Variants in PCDHGB2 observed in about 807,000 individuals in gnomAD.
PCDHGB2 encodes protocadherin gamma subfamily B, 2, also known as protocadherin gamma-B2.
Under a neutral mutation model 59.3 loss-of-function variants are expected in PCDHGB2, and 55 were observed. That is an observed-to-expected ratio of 0.93 (90% confidence interval 0.75 to 1.16). PCDHGB2 has a LOEUF of 1.16. Ranked by LOEUF, PCDHGB2 falls within the 50% of genes most tolerant of loss-of-function variation. The pLI, the probability that PCDHGB2 is intolerant of heterozygous loss-of-function variation, is 0.00. For synonymous variants in PCDHGB2, 516 were observed against 512.0 expected (o/e 1.01, Z -0.11); for missense variants, 1,228 against 1,198.5 (o/e 1.02, Z -0.36).
intron 1 of PCDHGB2, chr5:141,384,572 A>G: frequency 6.2e-7 from 1 of 1,613,908 alleles, no homozygotes; most frequent in Non-Finnish European, 8.5e-7. Context: ...CAGAATGACA[A>G]CCCGCCCGAG....
Position 141,459,075 on chromosome 5 carries a change from G to C in PCDHGB2, c.2422-35732G>C, listed in dbSNP as rs562572838. ...GTATAATTTATATAACATAAAATTT[G>C]CCTTTTAAAATTATACAGTGCAATG... On this transcript the variant is annotated intron_variant, in intron 1 of 3. Transcript: ENST00000522605. 4.6e-5 allele frequency among the ~76,000 whole-genome samples: 7 copies of C among 152,252 alleles called. No individual in the cohort carries two copies. The East Asian group carries it at 1.4e-3, about 29-fold the overall frequency.
At chr5:141,474,606 T>C (rs1156236978) in intron 1 of PCDHGB2, among the ~76,000 whole-genome samples, 1 of 152,242 alleles carries the variant, frequency 6.6e-6, no homozygotes, top group Non-Finnish European at 1.5e-5. Context: ...ATAGGTCACA[T>C]ATGGCTTTTC....
At chr5:141,414,897 C>A (rs2095799678) in intron 1 of PCDHGB2, 7 of 1,614,230 alleles carry the variant, frequency 4.3e-6, no homozygotes, top group Non-Finnish European at 5.9e-6. Flanking sequence ...TCCCCACAGA[C>A]GGTTCCACAG....
At chr5:141,470,383 G>A (rs569789033) in intron 1 of PCDHGB2, among the ~76,000 whole-genome samples, 7 of 152,246 alleles carry the variant, frequency 4.6e-5, no homozygotes, top group South Asian at 2.1e-4. Context: ...AAGACTACTC[G>A]ATGATATTTA....
At chr5:141,444,380 A>G (rs1475986922) in intron 1 of PCDHGB2, among the ~76,000 whole-genome samples, 1 of 151,876 alleles carries the variant, frequency 6.6e-6, no homozygotes, top group Non-Finnish European at 1.5e-5. Context: ...CATGTTGGTC[A>G]GGCTAGTCTT....
At chr5:141,459,710 C>T (rs2098973565) in intron 1 of PCDHGB2, among the ~76,000 whole-genome samples, 1 of 152,204 alleles carries the variant, frequency 6.6e-6, no homozygotes, top group Non-Finnish European at 1.5e-5. Flanking sequence ...CATTTTCTCA[C>T]CAATGCTTCC....
At chr5:141,380,163 G>A (rs765381808) in intron 1 of PCDHGB2, among the ~76,000 whole-genome samples, 1 of 152,092 alleles carries the variant, frequency 6.6e-6, no homozygotes, top group African/African-American at 2.4e-5. Context: ...GCCTCTCAAA[G>A]GGCTGGGATT....
chr5:141,499,721 G>GTC (rs1434016871), intron 2 of PCDHGB2, among the ~76,000 whole-genome samples: 69 of 135,416 alleles, frequency 5.1e-4, no homozygotes, highest in African/African-American at 1.9e-3. Flanking sequence ...TGGAGACAGA[G>GTC]TCTCACTCTC....
intron 1 of PCDHGB2, among the ~76,000 whole-genome samples, chr5:141,369,219 G>C (rs906791517): frequency 6.6e-6 from 1 of 152,126 alleles, no homozygotes; most frequent in African/African-American, 2.4e-5. Context: ...CCAAGGAAAA[G>C]TGGACAGGAA....
chr5:141,510,083 G>A (rs2099879432), intron 3 of PCDHGB2, among the ~76,000 whole-genome samples: 1 of 152,104 alleles, frequency 6.6e-6, no homozygotes, highest in Non-Finnish European at 1.5e-5. Flanking sequence ...CAGAGTGCCT[G>A]GCACACAGTA....
intron 1 of PCDHGB2, among the ~76,000 whole-genome samples, chr5:141,439,422 A>C (rs1476209707): frequency 6.6e-6 from 1 of 152,188 alleles, no homozygotes; most frequent in Non-Finnish European, 1.5e-5. Context: ...TGAGGTTATA[A>C]ATTCCCAGGA....
intron 1 of PCDHGB2, chr5:141,365,409 G>A (rs1588612926): frequency 1.2e-6 from 2 of 1,613,994 alleles, no homozygotes; most frequent in Non-Finnish European, 1.7e-6. Flanking sequence ...TCTGAAGACT[G>A]TCTTCCCGGA....
At chr5:141,414,422 G>T (rs369608304) in intron 1 of PCDHGB2, 1 of 1,613,866 alleles carries the variant, frequency 6.2e-7, no homozygotes, top group Non-Finnish European at 8.5e-7. Context: ...GCCCTTGACA[G>T]GGAACAGGTA....
At chr5:141,394,100 ACCACCTCTGT>A in intron 1 of PCDHGB2, 1 of 1,613,942 alleles carries the variant, frequency 6.2e-7, no homozygotes, top group Admixed American at 1.7e-5. Context: ...ATCTAGGAAC[ACCACCTCTGT>A]CCACTGAAAC....
chr5:141,413,230 C>T (rs2095618383), intron 1 of PCDHGB2: 4 of 1,613,826 alleles, frequency 2.5e-6, no homozygotes, highest in Non-Finnish European at 3.4e-6. Flanking sequence ...CGGGCTGGTC[C>T]TGCTCTGCCT....
intron 1 of PCDHGB2, chr5:141,392,605 CA>C (rs2092562177): frequency 1.9e-6 from 1 of 514,610 alleles, no homozygotes; most frequent in Admixed American, 3.7e-5. Context: ...TACTGGAAGA[CA>C]AATGCAACCG....
intron 1 of PCDHGB2, chr5:141,403,394 C>A: frequency 6.2e-7 from 1 of 1,614,054 alleles, no homozygotes; most frequent in South Asian, 1.1e-5. Flanking sequence ...AATCGCGGTT[C>A]CTGGAGCACG....
chr5:141,432,949 C>A lies in PCDHGB2; in HGVS notation c.2422-61858C>A, dbSNP rs764998032. ...CACGCCTGCTGCAGGCTTCAGGAGG[C>A]GGCTTGACAGGAGCGCCGGCGTCGC... On this transcript the variant is annotated intron_variant, in intron 1 of 3. Transcript: ENST00000522605. This position sits in a 1 kb window ranked among gnomAD's most constrained non-coding sequence, Gnocchi z 6.0. The A allele has an allele frequency of 1.9e-6, 3 of 1,614,184 alleles. No homozygotes were observed. The highest frequency in any genetic ancestry group is 2.5e-6 in the Non-Finnish European group (3 of 1,180,040).
chr5:141,459,105 T>C (rs904382532), intron 1 of PCDHGB2, among the ~76,000 whole-genome samples: 7 of 152,208 alleles, frequency 4.6e-5, no homozygotes, highest in Non-Finnish European at 7.4e-5. Flanking sequence ...GCAATGCATT[T>C]TGACAATTGT....
Sources: gnomAD v4.1 joint callset for allele counts (sites outside exome capture counted in the v4.1 genomes callset) on GRCh38, gnomAD v4.1.1 for gene constraint, Gnocchi (gnomAD v3.1) non-coding constraint, MANE v1.5 for transcripts, NCBI Gene and HGNC (gene_info 2026-07-23, HGNC 2026-07-21) for gene names.